The following SOD2 variants were observed in gnomAD, a reference collection of about 807,000 sequenced individuals.
SOD2 encodes the protein superoxide dismutase 2.
A neutral mutation model predicts 27.0 loss-of-function variants in SOD2; 11 were observed. The ratio of observed to expected loss-of-function variants is 0.41; its 90% CI spans 0.26 to 0.67. The LOEUF (loss-of-function observed/expected upper bound fraction) is 0.67, where lower values mean the gene tolerates loss of function less well. SOD2 is among the 30% of genes least tolerant of loss of function. The probability of loss-of-function intolerance (pLI) is 0.34; values close to 1 mark genes in which losing one functional copy is unlikely to be tolerated. For missense variants in SOD2, 250 were observed against 274.5 expected (o/e 0.91, Z 0.63); for synonymous variants, 105 against 103.0 (o/e 1.02, Z -0.12).
At chr6:159,686,239 A>G (rs2855115) in intron 3 of SOD2, among the ~76,000 whole-genome samples, 51 of 152,366 alleles carry the variant, frequency 3.3e-4, no homozygotes, top group Non-Finnish European at 5.9e-4. Flanking sequence ...GTACAGATTA[A>G]ACAAAAATGG....
chr6:159,682,766 T>C, intron 4 of SOD2, 128 bp from the exon 5 acceptor site: 3 of 827,730 alleles, frequency 3.6e-6, no homozygotes, highest in Non-Finnish European at 3.5e-6. Flanking sequence ...TTCACTTGTT[T>C]TTTTATATAA....
intron 1 of SOD2, among the ~76,000 whole-genome samples, chr6:159,732,917 G>T (rs936271318): frequency 7.2e-6 from 1 of 139,064 alleles, no homozygotes; most frequent in Admixed American, 7.5e-5. Context: ...GTGTGTGTGT[G>T]TAAAATTGAT....
At chr6:159,682,822 A>G (rs914490202) in intron 4 of SOD2, among the ~76,000 whole-genome samples, 184 bp from the exon 5 acceptor site, 2 of 152,260 alleles carry the variant, frequency 1.3e-5, no homozygotes, top group Non-Finnish European at 2.9e-5. Flanking sequence ...AATATTTTTA[A>G]TTCACTGTTT....
rs1279720139 is a variant in SOD2 at position 159,676,132 on chromosome 6, C to G, written c.*6361G>C. 1 of 152,200 alleles carries G rather than the reference C, an allele frequency of 6.6e-6. No individual in the cohort carries two copies. Among genetic ancestry groups the G allele is most frequent in the East Asian group, 1.9e-4 (1 of 5,198 alleles). The allele number at this position is 152,200 out of a possible 1,614,324, so 9.4% of individuals were successfully genotyped here. ...GAGAGGATGTGGAGAAATAGGAACA[C>G]TTTTACACTGGTGGTGGGACTGTAA... On this transcript the variant is annotated 3_prime_UTR_variant, in exon 5 of 5. Transcript: ENST00000538183.
At chr6:159,730,796 T>C (rs1778519188), upstream of SOD2, 1 of 152,170 alleles carries the variant, frequency 6.6e-6, no homozygotes, top group South Asian at 2.1e-4. Context: ...CCAAAATCTG[T>C]ATTTACTCCT....
intron 1 of SOD2, among the ~76,000 whole-genome samples, chr6:159,723,681 C>T (rs949691377): frequency 6.6e-6 from 1 of 151,766 alleles, no homozygotes; most frequent in East Asian, 1.9e-4. Context: ...GAAAACCCCT[C>T]TGTTTGTGGC....
chr6:159,715,252 G>A (rs759640241), intron 1 of SOD2, among the ~76,000 whole-genome samples: 4 of 151,962 alleles, frequency 2.6e-5, no homozygotes, highest in Non-Finnish European at 4.4e-5. Context: ...CAGTGGCACT[G>A]GGACCCAAAT....
intron 1 of SOD2, among the ~76,000 whole-genome samples, chr6:159,751,167 C>T (rs1779806104): frequency 6.6e-6 from 1 of 152,142 alleles, no homozygotes; most frequent in African/African-American, 2.4e-5. Flanking sequence ...TTTTTCAAAA[C>T]TGTGATTTTG....
At chr6:159,740,684 G>GT (rs1030103788) in intron 1 of SOD2, among the ~76,000 whole-genome samples, 145 of 142,408 alleles carry the variant, frequency 1.0e-3, no homozygotes, top group Admixed American at 1.6e-3. Context: ...TATTAGGAAG[G>GT]TTTTTTTTTT....
At position 159,712,064 on chromosome 6, in the gene SOD2, ACTCGGCTG is replaced by A. The variant is rs1562438075; in HGVS notation, c.-116+15057_-116+15064del. Among the ~76,000 whole-genome samples the A allele has an allele frequency of 1.2e-3, 24 of 19,810 alleles. 1 individual carries two copies. The highest frequency in any genetic ancestry group is 1.8e-3 in the African/African-American group (11 of 6,084). The allele number at this position is 19,810 out of a possible 152,430, so 13.0% of individuals were successfully genotyped here. ...CTCCATAACCACCTCCATAACCACC[ACTCGGCTG>A]CTCAGACCTCCATAACCACCTCCAT... On this transcript the variant is annotated intron_variant, in intron 1 of 2. Transcript: ENST00000401980.
rs534041128 is a variant in SOD2, at chr6:159,673,463, A to T, written c.*9030T>A. ...GAAACTCACTCAAAACCACTCAGCT[A>T]CATGGAAACTGAACAACCTGCTCCT... On this transcript the variant is annotated 3_prime_UTR_variant, in exon 5 of 5. Transcript: ENST00000538183. 1.3e-5 allele frequency: 2 copies of T among 152,324 alleles called. No individual in the cohort carries two copies. The highest frequency in any genetic ancestry group is 1.9e-4 in the East Asian group (1 of 5,192). The allele number at this position is 152,324 out of a possible 1,614,324, so 9.4% of individuals were successfully genotyped here.
chr6:159,732,900 T>TA (rs775073749), intron 1 of SOD2, among the ~76,000 whole-genome samples: 22 of 52,608 alleles, frequency 4.2e-4, no homozygotes, highest in South Asian at 2.3e-3. Context: ...TGTGTGTGTG[T>TA]GTGTGTGTGT....
chr6:159,689,933 C>T (rs1393138531), intron 2 of SOD2, among the ~76,000 whole-genome samples: 1 of 149,878 alleles, frequency 6.7e-6, no homozygotes, highest in Non-Finnish European at 1.5e-5. Context: ...GCACTCCAGC[C>T]TGGGCGACAG....
At chr6:159,692,908 C>A (rs892421711) in intron 1 of SOD2, 45 bp from the exon 2 acceptor site, 3 of 1,499,438 alleles carry the variant, frequency 2.0e-6, no homozygotes, top group Admixed American at 2.1e-5. Context: ...GCCGCGGGAC[C>A]GTCTACGCAG....
intron 1 of SOD2, among the ~76,000 whole-genome samples, chr6:159,718,687 T>C (rs1159709005): frequency 2.0e-5 from 3 of 152,180 alleles, no homozygotes; most frequent in Non-Finnish European, 4.4e-5. Context: ...AAAAGAAAAG[T>C]AGGCTAGGAA....
chr6:159,720,004 A>G lies in SOD2; in HGVS notation c.-116+7125T>C, dbSNP rs551223468. 1.9e-3 allele frequency among the ~76,000 whole-genome samples: 289 copies of G among 149,008 alleles called. 2 individuals are homozygous for G. The highest frequency in any genetic ancestry group is 3.1e-3 in the Non-Finnish European group (212 of 67,578). On this transcript the variant is annotated intron_variant, in intron 1 of 2. Transcript: ENST00000401980. ...CTCCCAAAGTCCTGGGATTACAGGC[A>G]TGAGACACCATGCCCAGCCTTGCTT...
At position 159,682,538 on chromosome 6, in the gene SOD2, G is replaced by A. The variant is rs771518978; in HGVS notation, c.624C>T (p.Ile208=). The A allele has an allele frequency of 6.2e-7, 1 of 1,613,950 alleles. No homozygotes were observed. Among genetic ancestry groups the A allele is most frequent in the South Asian group, 1.1e-5 (1 of 91,058 alleles). Residue 208 remains isoleucine, a synonymous_variant, in exon 5 of 5, where the codon ATC becomes ATT. Coordinates refer to ENST00000538183, the MANE Select transcript of SOD2 (RefSeq NM_000636.4). ...ATCTTTCAGTTACATTCTCCCAGTTGATTACATTCCAAATAGCTTTTAGAT... is the reference window on the plus strand; with the variant it reads ...ATCTTTCAGTTACATTCTCCCAGTTAATTACATTCCAAATAGCTTTTAGAT... The part of the protein sequence containing the change: ...PDYLKAIWNV[I]NWENVTERYM...
intron 3 of SOD2, among the ~76,000 whole-genome samples, chr6:159,687,673 G>A (rs1780254931): frequency 6.6e-6 from 1 of 151,926 alleles, no homozygotes; most frequent in Admixed American, 6.6e-5. Context: ...TATCATACTC[G>A]TTGTTATGAA....
chr6:159,698,627 A>C (rs1040974182), intron 1 of SOD2, among the ~76,000 whole-genome samples: 24 of 145,504 alleles, frequency 1.6e-4, no homozygotes, highest in Non-Finnish European at 3.0e-4. Context: ...AAAAAAAAAA[A>C]CAAGAAAAGA....
Sources: allele counts gnomAD v4.1 joint callset (sites outside exome capture counted in the v4.1 genomes callset), GRCh38; gene constraint gnomAD v4.1.1; transcripts MANE v1.5; gene names NCBI Gene and HGNC (gene_info 2026-07-23, HGNC 2026-07-21).